Variants in ANKRD36 observed in about 807,000 individuals in gnomAD.
ANKRD36 encodes ankyrin repeat domain-containing protein 36A.
A neutral mutation model predicts 278.1 loss-of-function variants in ANKRD36; 179 were observed. The ratio of observed to expected loss-of-function variants is 0.64; its 90% confidence interval spans 0.57 to 0.73. ANKRD36 has a LOEUF of 0.73. ANKRD36 is among the 30% of genes least tolerant of loss of function. ANKRD36 has a pLI of 0.00. For missense variants in ANKRD36, 1,159 were observed against 1,956.7 expected, an observed-to-expected ratio of 0.59 and a Z score of 7.69; for synonymous variants, 320 against 641.1, an observed-to-expected ratio of 0.50 and a Z score of 7.57.
chr2:97,228,099 T>G (rs2070532536), intron 67 of ANKRD36, among the ~76,000 whole-genome samples: 1 of 152,080 alleles, frequency 6.6e-6, no homozygotes, highest in Non-Finnish European at 1.5e-5. Flanking sequence ...AAAATTCTCT[T>G]TTTTGGTTGT....
chr2:97,222,916 G>C (rs2068165633), intron 66 of ANKRD36, among the ~76,000 whole-genome samples: 1 of 151,980 alleles, frequency 6.6e-6, no homozygotes, highest in South Asian at 2.1e-4. Context: ...GATTAGCATG[G>C]TATATCAAAT....
intron 1 of ANKRD36, among the ~76,000 whole-genome samples, chr2:97,116,331 A>C (rs1262749816): frequency 6.6e-6 from 1 of 152,038 alleles, no homozygotes; most frequent in Non-Finnish European, 1.5e-5. Flanking sequence ...CCTGGAGTGC[A>C]GTGGCATGAT....
chr2:97,143,122 G>A (rs1308069373), intron 8 of ANKRD36, among the ~76,000 whole-genome samples: 3 of 151,712 alleles, frequency 2.0e-5, no homozygotes, highest in Non-Finnish European at 4.4e-5. Context: ...TAATTCTACA[G>A]CATAGTTCCA....
chr2:97,200,623 T>C, intron 46 of ANKRD36, 98 bp downstream of exon 46: 4 of 1,501,834 alleles, frequency 2.7e-6, no homozygotes, highest in Non-Finnish European at 3.6e-6. Context: ...CTGCACGTTC[T>C]GATTCACCAA....
At position 97,208,792 on chromosome 2, in the gene ANKRD36, T is replaced by A. The variant is rs200969773; in HGVS notation, c.3265+786T>A. ...TCGTGGATAAAATAGCTATTTAATGTAACTTCTTTAGAGAATAACACGATA... is the reference window on the plus strand; with the variant it reads ...TCGTGGATAAAATAGCTATTTAATGAAACTTCTTTAGAGAATAACACGATA... On this transcript the variant is annotated intron_variant, in intron 54 of 75. Coordinates refer to ENST00000420699, the MANE Select transcript of ANKRD36 (RefSeq NM_001354587.1). 6.0e-4 allele frequency among the ~76,000 whole-genome samples: 88 copies of A among 146,772 alleles called. 7 individuals carry two copies. In the East Asian group the frequency reaches 0.015, roughly 24 times the overall value.
chr2:97,149,894 A>G (rs1479550399), intron 12 of ANKRD36, among the ~76,000 whole-genome samples: 1 of 151,680 alleles, frequency 6.6e-6, no homozygotes, highest in East Asian at 2.0e-4. Flanking sequence ...TGGCTCTGTA[A>G]TTAGACTAAA....
chr2:97,195,260 G>A lies in ANKRD36; in HGVS notation c.2551+343G>A, dbSNP rs187251946. Among the ~76,000 whole-genome samples the A allele has an allele frequency of 2.0e-4, 31 of 152,030 alleles. No homozygotes were observed. In the East Asian group the frequency reaches 5.1e-3, roughly 25 times the overall value. On this transcript the variant is annotated intron_variant, in intron 40 of 75. Coordinates refer to ENST00000420699, the MANE Select transcript of ANKRD36 (RefSeq NM_001354587.1). ...GAGAGGAAGTACAGATTTTACAGACGTCACATCGTAGTGCTAAAAACAGAC... is the reference window on the plus strand; with the variant it reads ...GAGAGGAAGTACAGATTTTACAGACATCACATCGTAGTGCTAAAAACAGAC...
intron 11 of ANKRD36, among the ~76,000 whole-genome samples, chr2:97,146,774 TGA>T (rs1439511844): frequency 6.6e-6 from 1 of 151,770 alleles, no homozygotes; most frequent in Non-Finnish European, 1.5e-5. Context: ...ACCGATGATT[TGA>T]CCATCATCCT....
intron 66 of ANKRD36, among the ~76,000 whole-genome samples, chr2:97,220,352 G>C (rs1276196601): frequency 6.7e-6 from 1 of 149,722 alleles, no homozygotes; most frequent in African/African-American, 2.5e-5. Context: ...TCTAACTATA[G>C]TTTGTACTTA....
chr2:97,113,819 C>A lies in ANKRD36; in HGVS notation c.80C>A (p.Pro27His), dbSNP rs374398264. The change falls in exon 1 of 76, where the codon CCC becomes CAC. Residue 27 changes from proline (P) to histidine (H), a missense_variant. Pro to His is a moderately conservative substitution (Grantham distance 77). Coordinates refer to ENST00000420699, the MANE Select transcript of ANKRD36 (RefSeq NM_001354587.1). Reference protein sequence around the residue: ...CSDGFAFPQYPIKPYHLKRIH... With the variant: ...CSDGFAFPQYHIKPYHLKRIH... ...GATGGCTTCGCATTTCCCCAATACC[C>A]CATTAAACCGTATCATCTGAAGAGG... The A allele has an allele frequency of 2.0e-4, 317 of 1,609,128 alleles. 27 individuals are homozygous for A. In the East Asian group the frequency reaches 2.6e-3, roughly 13 times the overall value.
At chr2:97,211,860 AT>A (rs2064743695) in intron 58 of ANKRD36, 119 bp downstream of exon 58, 2 of 1,283,664 alleles carry the variant, frequency 1.6e-6, no homozygotes, top group African/African-American at 3.0e-5. Flanking sequence ...TATTCCTGAG[AT>A]TATTCATTTG....
In ANKRD36 at chr2:97,215,461, G is replaced by A; in HGVS notation, c.3637G>A (p.Ala1213Thr). 1 of 1,588,056 alleles carries A rather than the reference G, an allele frequency of 6.3e-7. No homozygotes were observed. Among genetic ancestry groups the A allele is most frequent in the Non-Finnish European group, 8.6e-7 (1 of 1,168,878 alleles). The part of the protein sequence containing the change: ...SVKKDSVSNI[A>T]TEIKDGQIRG... ...CAAGAAAGATTCTGTTTCGAATATA[G>A]CCACAGAAATAAAGGATGGACAAAT... Residue 1213 changes from alanine (A) to threonine (T), a missense_variant, in exon 62 of 76, where the codon GCC (alanine) becomes ACC (threonine). Transcript: ENST00000420699.
At chr2:97,229,939 T>C (rs2071338482) in intron 67 of ANKRD36, among the ~76,000 whole-genome samples, 2 of 135,906 alleles carry the variant, frequency 1.5e-5, no homozygotes, top group South Asian at 4.4e-4. Context: ...TGAAAATTCT[T>C]TTCTTTAAGA....
At chr2:97,229,533 C>G (rs1242597367) in intron 67 of ANKRD36, among the ~76,000 whole-genome samples, 1 of 152,078 alleles carries the variant, frequency 6.6e-6, no homozygotes, top group Non-Finnish European at 1.5e-5. Flanking sequence ...ATGTGTGTCT[C>G]TGCACGTGAG....
At chr2:97,229,167 G>C (rs1285370848) in intron 67 of ANKRD36, among the ~76,000 whole-genome samples, 5 of 151,518 alleles carry the variant, frequency 3.3e-5, no homozygotes, top group Non-Finnish European at 4.4e-5. Flanking sequence ...TTGGTGCAGA[G>C]CTGAGTTCAA....
At chr2:97,207,779 A>C in intron 52 of ANKRD36, 32 bp from the exon 53 acceptor site, 1 of 1,544,174 alleles carries the variant, frequency 6.5e-7, no homozygotes, top group Non-Finnish European at 8.8e-7. Flanking sequence ...ATTTTTACAC[A>C]TGAGTGATTA....
At position 97,118,328 on chromosome 2, in the gene ANKRD36, G is replaced by A. The variant is rs563493971; in HGVS notation, c.313-16G>A. On this transcript the variant is annotated splice_polypyrimidine_tract_variant and intron_variant, in intron 2 of 75. Transcript: ENST00000420699. ...ATTTTTCAGTATTTGCATGTTTCTC[G>A]GTCTAATACTGACAGGCTGTACAAC... 71 of 1,610,042 alleles carry A rather than the reference G, an allele frequency of 4.4e-5. 2 individuals are homozygous for A. In the Admixed American group the frequency reaches 6.4e-4, roughly 15 times the overall value.
intron 56 of ANKRD36, 131 bp from the exon 57 acceptor site, chr2:97,211,415 C>A (rs2064549747): frequency 7.1e-7 from 1 of 1,404,730 alleles, no homozygotes; most frequent in Non-Finnish European, 9.7e-7. Flanking sequence ...TCCCCAGACA[C>A]AAAGTAGAAG....
chr2:97,204,770 G>A (rs373088768), intron 50 of ANKRD36, among the ~76,000 whole-genome samples: 634 of 148,050 alleles, frequency 4.3e-3, no homozygotes, highest in East Asian at 0.018. Context: ...ATAATTTTGG[G>A]GTTTCTGCTG....
Sources: allele counts gnomAD v4.1 joint callset (sites outside exome capture counted in the v4.1 genomes callset), GRCh38; gene constraint gnomAD v4.1.1; transcripts MANE v1.5; gene names NCBI Gene and HGNC (gene_info 2026-07-23, HGNC 2026-07-21).